Variants in NDUFV3 observed in about 807,000 individuals in gnomAD.
NDUFV3 encodes NADH dehydrogenase [ubiquinone] flavoprotein 3, mitochondrial.
A neutral mutation model predicts 37.5 loss-of-function variants in NDUFV3; 44 were observed. The observed-to-expected ratio is 1.17, with a 90% CI of 0.92 to 1.51. The LOEUF (loss-of-function observed/expected upper bound fraction) is 1.51. Ranked by LOEUF, NDUFV3 falls within the 40% of genes most tolerant of loss-of-function variation. NDUFV3 has a pLI of 0.00. For synonymous variants in NDUFV3, 235 were observed against 239.3 expected (o/e 0.98, Z 0.17); for missense variants, 580 against 580.4 (o/e 1.00, Z 0.01).
intron 2 of NDUFV3, among the ~76,000 whole-genome samples, chr21:42,900,795 ACATGCTGTGC>A (rs1366695662): frequency 1.3e-5 from 2 of 152,172 alleles, no homozygotes; most frequent in Non-Finnish European, 2.9e-5. Context: ...GCGCGATGGG[ACATGCTGTGC>A]CTTATTTCAT....
rs760400512 is a variant in NDUFV3, at chr21:42,908,961, C to G, written c.1362C>G (p.Leu454=). 2 of 1,614,012 alleles carry G rather than the reference C, an allele frequency of 1.2e-6. No homozygotes were observed. Among genetic ancestry groups the G allele is most frequent in the South Asian group, 1.1e-5 (1 of 91,082 alleles). The part of the protein sequence containing the change: ...YSTYTFLDLN[L]ELSKFRMPQP... ...CGTACACCTTCTTAGACCTCAACCT[C>G]GAACTCTCAAAATTCAGGATGCCTC... is the stretch of plus-strand genomic sequence containing the variant. The change falls in exon 4 of 4, where the codon CTC becomes CTG. Residue 454 remains leucine (L), a synonymous_variant. Coordinates refer to ENST00000354250, the MANE Select transcript of NDUFV3 (RefSeq NM_021075.4).
At chr21:42,904,491 C>CTTTTTT (rs11321406) in intron 3 of NDUFV3, among the ~76,000 whole-genome samples, 2 of 125,864 alleles carry the variant, frequency 1.6e-5, no homozygotes, top group African/African-American at 3.0e-5. Context: ...ATTTAACGTT[C>CTTTTTT]TTTTTTTTTT....
chr21:42,899,515 G>A (rs2058709727), intron 2 of NDUFV3, among the ~76,000 whole-genome samples: 1 of 152,036 alleles, frequency 6.6e-6, no homozygotes, highest in Non-Finnish European at 1.5e-5. Flanking sequence ...CACGATCTCG[G>A]CTCACTGCAA....
chr21:42,899,620 T>G lies in NDUFV3; in HGVS notation c.169+2573T>G, dbSNP rs368863612. ...CCACCAAACCCGGCAAATTTTTCTG[T>G]TTTTAGTAGAGACGGGGTTTCACCA... On this transcript the variant is annotated intron_variant, in intron 2 of 3. Coordinates refer to ENST00000354250, the MANE Select transcript of NDUFV3 (RefSeq NM_021075.4). 1.4e-4 allele frequency among the ~76,000 whole-genome samples: 22 copies of G among 152,300 alleles called. 1 individual carries two copies. The South Asian group carries it at 2.1e-3, about 14-fold the overall frequency.
chr21:42,904,956 AATTTTTGT>A (rs2058735260), intron 3 of NDUFV3, among the ~76,000 whole-genome samples: 1 of 148,132 alleles, frequency 6.8e-6, no homozygotes, highest in Non-Finnish European at 1.5e-5. Context: ...ATGTCCAGCT[AATTTTTGT>A]ATTTTTAGTA....
At chr21:42,905,241 GA>G (rs1216678115) in intron 3 of NDUFV3, among the ~76,000 whole-genome samples, 2 of 152,200 alleles carry the variant, frequency 1.3e-5, no homozygotes, top group African/African-American at 2.4e-5. Flanking sequence ...CTCGCTAAGT[GA>G]AAAGGGGAGC....
At chr21:42,894,887 G>A (rs1303187631) in intron 1 of NDUFV3, among the ~76,000 whole-genome samples, 1 of 151,932 alleles carries the variant, frequency 6.6e-6, no homozygotes, top group Non-Finnish European at 1.5e-5. Flanking sequence ...CTAGAACATT[G>A]TACTGTCTAG....
At chr21:42,898,221 T>C (rs1170061564) in intron 2 of NDUFV3, among the ~76,000 whole-genome samples, 1 of 152,152 alleles carries the variant, frequency 6.6e-6, no homozygotes, top group African/African-American at 2.4e-5. Context: ...GGGAATGTTA[T>C]TTAGTTTTGT....
At position 42,903,845 on chromosome 21, in the gene NDUFV3, A is replaced by G; in HGVS notation, c.833A>G (p.Asp278Gly). 1 of 1,613,228 alleles carries G rather than the reference A, an allele frequency of 6.2e-7. No homozygotes were observed. Among genetic ancestry groups the G allele is most frequent in the Non-Finnish European group, 8.5e-7 (1 of 1,179,894 alleles). The part of the protein sequence containing the change: ...LQKTFRLNEI[D>G]KESQKPFEVK... ...AAAACATTTAGATTAAATGAAATAGATAAAGAAAGCCAAAAGCCATTTGAA... is the reference window on the plus strand; with the variant it reads ...AAAACATTTAGATTAAATGAAATAGGTAAAGAAAGCCAAAAGCCATTTGAA... Residue 278 changes from aspartate to glycine, a missense_variant, in exon 3 of 4, where the codon GAT becomes GGT. Coordinates refer to ENST00000354250, the MANE Select transcript of NDUFV3 (RefSeq NM_021075.4).
rs1227114101 is a variant in NDUFV3 at position 42,903,510 on chromosome 21, T to C, written c.498T>C (p.Asp166=). The C allele has an allele frequency of 6.2e-7, 1 of 1,614,058 alleles. No homozygotes were observed. Among genetic ancestry groups the C allele is most frequent in the East Asian group, 2.2e-5 (1 of 44,902 alleles). Residue 166 remains aspartate, a synonymous_variant, in exon 3 of 4, where the codon GAT becomes GAC. Transcript: ENST00000354250. ...GCTCCTCTGATTCTGAATCTGATGA[T>C]GAGGCTGACGTTTCAGAGGTCACTC... ...SSSSSDSESD[D]EADVSEVTPR...
chr21:42,907,077 C>G (rs941931799), intron 3 of NDUFV3, among the ~76,000 whole-genome samples: 1 of 151,942 alleles, frequency 6.6e-6, no homozygotes, highest in Non-Finnish European at 1.5e-5. Flanking sequence ...AAATCTTAAC[C>G]CAAATATCAG....
At chr21:42,904,556 T>C (rs1205806639) in intron 3 of NDUFV3, among the ~76,000 whole-genome samples, 1 of 148,812 alleles carries the variant, frequency 6.7e-6, no homozygotes, top group Non-Finnish European at 1.5e-5. Flanking sequence ...AGTGGCGCGA[T>C]CTCTGCTCAC....
intron 2 of NDUFV3, among the ~76,000 whole-genome samples, chr21:42,900,917 C>T (rs1472594514): frequency 6.6e-6 from 1 of 152,110 alleles, no homozygotes; most frequent in East Asian, 1.9e-4. Flanking sequence ...CTTGGGGAAC[C>T]GCTGGGCTCT....
At chr21:42,900,774 A>T (rs1431974862) in intron 2 of NDUFV3, among the ~76,000 whole-genome samples, 1 of 152,188 alleles carries the variant, frequency 6.6e-6, no homozygotes, top group African/African-American at 2.4e-5. Context: ...CTGCCACAGG[A>T]CAAGACCCTG....
intron 2 of NDUFV3, among the ~76,000 whole-genome samples, chr21:42,900,562 A>T (rs2058714071): frequency 6.6e-6 from 1 of 152,192 alleles, no homozygotes; most frequent in Non-Finnish European, 1.5e-5. Context: ...GTAAATGGAT[A>T]CGTGCAGGCC....
At position 42,909,004 on chromosome 21, in the gene NDUFV3, G is replaced by T; in HGVS notation, c.1405G>T (p.Glu469Ter). The change falls in exon 4 of 4, where the codon GAG becomes TAG. Residue 469 changes from glutamate (E) to a stop codon, truncating the protein, a stop_gained. Transcript: ENST00000354250. LOFTEE classifies it high-confidence loss of function. ...GATGCCTCAGCCCTCCTCAGGCCGG[G>T]AGTCACCTCGACACTGAGGGCCCTC... ...FRMPQPSSGR[E>*]SPRH 1 of 1,613,854 alleles carries T rather than the reference G, an allele frequency of 6.2e-7. No homozygotes were observed.
chr21:42,894,559 A>G (rs1488630528), intron 1 of NDUFV3, among the ~76,000 whole-genome samples: 2 of 63,758 alleles, frequency 3.1e-5, no homozygotes, highest in Non-Finnish European at 5.7e-5. Flanking sequence ...TAATATATAT[A>G]TATTTTTTTT....
chr21:42,904,784 C>T (rs2146162257), intron 3 of NDUFV3, among the ~76,000 whole-genome samples: 1 of 149,876 alleles, frequency 6.7e-6, no homozygotes, highest in Non-Finnish European at 1.5e-5. Flanking sequence ...CCCCACCCTG[C>T]TTAACCTTCA....
At position 42,904,221 on chromosome 21, in the gene NDUFV3, G is replaced by C. The variant is rs138935658; in HGVS notation, c.1209G>C (p.Glu403Asp). ...EKTAALKLEA[E>D]GEAMEDAAAP... is the part of the protein sequence containing the mutation. ...CAGCAGCGCTGAAGCTTGAGGCCGA[G>C]GGCGAGGCCATGGAAGATGCAGCCG... Residue 403 changes from glutamate (E) to aspartate (D), a missense_variant, in exon 3 of 4, where the codon GAG (glutamate) becomes GAC (aspartate). Physicochemically the swap from Glu to Asp is conservative, Grantham distance 45. Transcript: ENST00000354250. The C allele has an allele frequency of 5.0e-6, 8 of 1,613,270 alleles. No homozygotes were observed. The highest frequency in any genetic ancestry group is 1.7e-5 in the Admixed American group (1 of 59,834).
Sources: gnomAD v4.1 joint callset for allele counts (sites outside exome capture counted in the v4.1 genomes callset) on GRCh38, gnomAD v4.1.1 for gene constraint, MANE v1.5 for transcripts, NCBI Gene and HGNC (gene_info 2026-07-23, HGNC 2026-07-21) for gene names.